The following PRKG1 variants were observed in gnomAD, a reference collection of about 807,000 sequenced individuals.
PRKG1 encodes cGMP-dependent protein kinase 1.
A neutral mutation model predicts 88.1 loss-of-function variants in PRKG1; 35 were observed. The ratio of observed to expected loss-of-function variants is 0.40; its 90% confidence interval spans 0.30 to 0.53. The LOEUF (loss-of-function observed/expected upper bound fraction) is 0.53. Among genes scored for constraint, PRKG1 ranks in the 20% least tolerant of loss-of-function variants. The probability of loss-of-function intolerance (pLI) is 0.59; values close to 1 mark genes in which losing one functional copy is unlikely to be tolerated. For synonymous variants in PRKG1, 303 were observed against 292.5 expected (o/e 1.04, Z -0.37); for missense variants, 540 against 839.8 (o/e 0.64, Z 4.41).
At chr10:51,817,274 G>A (rs921155094) in intron 4 of PRKG1, among the ~76,000 whole-genome samples, 1 of 151,928 alleles carries the variant, frequency 6.6e-6, no homozygotes, top group African/African-American at 2.4e-5. Context: ...GTATACATGT[G>A]CAATGGTGGT....
At chr10:51,123,334 A>G (rs1589169510) in intron 1 of PRKG1, among the ~76,000 whole-genome samples, 3 of 152,308 alleles carry the variant, frequency 2.0e-5, no homozygotes, top group East Asian at 3.9e-4. Flanking sequence ...AAAGGCTTAT[A>G]ATGAAGAACA....
intron 4 of PRKG1, among the ~76,000 whole-genome samples, chr10:51,833,695 G>A (rs1840059226): frequency 1.3e-5 from 2 of 152,178 alleles, no homozygotes; most frequent in Middle Eastern, 3.4e-3. Flanking sequence ...TTTATTTGTG[G>A]TGAGAACATT....
intron 2 of PRKG1, among the ~76,000 whole-genome samples, chr10:51,284,430 A>G (rs960748127): frequency 1.3e-5 from 2 of 152,176 alleles, no homozygotes; most frequent in Non-Finnish European, 2.9e-5. Flanking sequence ...CCAAGCTAAA[A>G]CTCAGGGCCG....
intron 3 of PRKG1, chr10:51,699,616 T>G (rs1841410659): frequency 4.6e-6 from 7 of 1,521,694 alleles, no homozygotes; most frequent in Non-Finnish European, 5.3e-6. Context: ...GACCGACACT[T>G]CCGCTGAGCA....
intron 4 of PRKG1, among the ~76,000 whole-genome samples, chr10:51,872,727 G>A (rs530859294): frequency 6.6e-6 from 1 of 152,024 alleles, no homozygotes; most frequent in South Asian, 2.1e-4. Flanking sequence ...ATTAATCATT[G>A]TATTCCTCAC....
At position 51,282,705 on chromosome 10, in the gene PRKG1, G is replaced by A. The variant is rs746807998; in HGVS notation, c.478+129375G>A. Among the ~76,000 whole-genome samples, 33 of 152,026 alleles carry A rather than the reference G, an allele frequency of 2.2e-4. 1 individual carries two copies. The highest frequency in any genetic ancestry group is 4.1e-4 in the Non-Finnish European group (28 of 67,972). Reference sequence around the variant, plus strand: ...CTAAATATTTCCCAATGGAAACAGCGTTCACATTTCACAAGTTTCACTTGA... The same window carrying A: ...CTAAATATTTCCCAATGGAAACAGCATTCACATTTCACAAGTTTCACTTGA... On this transcript the variant is annotated intron_variant, in intron 2 of 17. Transcript: ENST00000373980.
rs1250602555 is a variant in PRKG1, at chr10:52,297,756, T to C, written c.*3856T>C. On this transcript the variant is annotated 3_prime_UTR_variant, in exon 18 of 18. Transcript: ENST00000373980. ...CTCATTTTATAGACTCCATTGACAA[T>C]GGTCCAACCGAAAAGAAAAATTGGA... 6.6e-6 allele frequency: 1 copy of C among 152,176 alleles called. No individual in the cohort carries two copies. Among genetic ancestry groups the C allele is most frequent in the Non-Finnish European group, 1.5e-5 (1 of 68,030 alleles). The allele number at this position is 152,176 out of a possible 1,614,324, so 9.4% of individuals were successfully genotyped here. A position where few individuals can be genotyped will look rare whatever the true frequency, so the allele number is the denominator to read the frequency against.
At chr10:51,410,103 G>A (rs1330533839) in intron 2 of PRKG1, among the ~76,000 whole-genome samples, 2 of 151,714 alleles carry the variant, frequency 1.3e-5, no homozygotes, top group Non-Finnish European at 2.9e-5. Flanking sequence ...ACTCCTAGTG[G>A]GTACTCCTAG....
intron 16 of PRKG1, 151 bp downstream of exon 16, chr10:52,289,144 G>T: frequency 1.4e-6 from 1 of 708,034 alleles, no homozygotes; most frequent in Non-Finnish European, 2.3e-6. Flanking sequence ...TGCCTTTCTA[G>T]TTGTGATTAT....
Position 51,796,951 on chromosome 10 carries a change from A to G in PRKG1, c.593-7634A>G, listed in dbSNP as rs74899378. On this transcript the variant is annotated intron_variant, in intron 3 of 17. Coordinates refer to ENST00000373980, the MANE Select transcript of PRKG1 (RefSeq NM_006258.4). ...AGAATCTTGACTAAGATTGACTAAT[A>G]CAACTATCTTTGCTTGGAGTCTTGC... 4.6e-5 allele frequency among the ~76,000 whole-genome samples: 7 copies of G among 152,212 alleles called. No homozygotes were observed. In the East Asian group the frequency reaches 1.4e-3, roughly 29 times the overall value.
In PRKG1 at chr10:51,908,725, C is replaced by CTATCTATCTATATATATATATA. The variant is rs1299574623; in HGVS notation, c.762+1158_762+1159insCTATCTATATATATATATATAT. The stretch of plus-strand genomic sequence containing the variant: ...TCTCTCTCTCTCTCTGTCTATCTAT[C>CTATCTATCTATATATATATATA]TATATGTAATTTTTTTTTTTTTGAG... On this transcript the variant is annotated intron_variant, in intron 5 of 17. Coordinates refer to ENST00000373980, the MANE Select transcript of PRKG1 (RefSeq NM_006258.4). 4.3e-3 allele frequency: 262 copies of CTATCTATCTATATATATATATA among 60,588 alleles called. 8 individuals carry two copies. The highest frequency in any genetic ancestry group is 0.028 in the Admixed American group (217 of 7,672). The allele number at this position is 60,588 out of a possible 1,614,324, so 3.8% of individuals were successfully genotyped here.
intron 3 of PRKG1, among the ~76,000 whole-genome samples, chr10:51,522,916 C>G (rs530346435): frequency 1.3e-5 from 2 of 151,798 alleles, no homozygotes; most frequent in South Asian, 4.1e-4. Flanking sequence ...TATTAAAAAC[C>G]AAGGGAGACA....
At chr10:52,039,423 G>A (rs2133227002) in intron 5 of PRKG1, among the ~76,000 whole-genome samples, 1 of 152,204 alleles carries the variant, frequency 6.6e-6, no homozygotes, top group African/African-American at 2.4e-5. Flanking sequence ...CACTTCTTTT[G>A]TGGTGGAATG....
chr10:51,008,328 A>G (rs1238309125), intron 1 of PRKG1, among the ~76,000 whole-genome samples: 1 of 152,218 alleles, frequency 6.6e-6, no homozygotes, highest in Admixed American at 6.5e-5. Context: ...ATATGCATTC[A>G]TTTCTTAGTT....
intron 1 of PRKG1, among the ~76,000 whole-genome samples, chr10:51,143,605 T>A (rs1845873786): frequency 6.6e-6 from 1 of 152,076 alleles, no homozygotes; most frequent in African/African-American, 2.4e-5. Flanking sequence ...GTGTAAGGAT[T>A]CCCTTTTCTC....
chr10:51,313,428 AG>A (rs1208003306), intron 2 of PRKG1, among the ~76,000 whole-genome samples: 1 of 152,082 alleles, frequency 6.6e-6, no homozygotes, highest in Non-Finnish European at 1.5e-5. Context: ...TTTACTGCAA[AG>A]GGTAAAGTCC....
At chr10:51,603,690 G>A (rs1307346798) in intron 3 of PRKG1, among the ~76,000 whole-genome samples, 1 of 152,210 alleles carries the variant, frequency 6.6e-6, no homozygotes, top group Non-Finnish European at 1.5e-5. Context: ...AACAAGTAGA[G>A]AAAGGCTTCA....
intron 2 of PRKG1, among the ~76,000 whole-genome samples, chr10:51,445,212 A>G (rs73334445): frequency 0.035 from 5,356 of 152,002 alleles, 306 homozygotes; most frequent in African/African-American, 0.12. Flanking sequence ...TAAAGGAAAC[A>G]AAGTGTTCTT....
At chr10:51,450,682 A>G (rs1051825613) in intron 2 of PRKG1, among the ~76,000 whole-genome samples, 1 of 152,000 alleles carries the variant, frequency 6.6e-6, no homozygotes, top group Non-Finnish European at 1.5e-5. Flanking sequence ...AGTTGCAGCT[A>G]TAAAAATCTT....
Sources: allele counts gnomAD v4.1 joint callset (sites outside exome capture counted in the v4.1 genomes callset), GRCh38; gene constraint gnomAD v4.1.1; transcripts MANE v1.5; gene names NCBI Gene and HGNC (gene_info 2026-07-23, HGNC 2026-07-21).